Variants in MEGF10 observed in about 807,000 individuals in gnomAD.
MEGF10 encodes multiple EGF like domains 10, also known as multiple epidermal growth factor-like domains protein 10.
MEGF10 carries 86 observed loss-of-function variants against 147.5 expected under a neutral mutation model. The ratio of observed to expected loss-of-function variants is 0.58; its 90% confidence interval spans 0.49 to 0.70. The LOEUF (loss-of-function observed/expected upper bound fraction) is 0.70. Ranked by LOEUF, MEGF10 falls within the 30% of genes least tolerant of loss-of-function variation. The pLI is 0.00. For missense variants in MEGF10, 1,329 were observed against 1,487.3 expected, an observed-to-expected ratio of 0.89 and a Z score of 1.75; for synonymous variants, 478 against 525.5, an observed-to-expected ratio of 0.91 and a Z score of 1.24.
At chr5:127,361,162 A>G (rs1762457658) in intron 4 of MEGF10, among the ~76,000 whole-genome samples, 1 of 152,066 alleles carries the variant, frequency 6.6e-6, no homozygotes, top group African/African-American at 2.4e-5. Context: ...CATCATTGAA[A>G]CCATCTGGAA....
intron 13 of MEGF10, 83 bp downstream of exon 13, chr5:127,422,855 C>T (rs2126980040): frequency 1.0e-6 from 1 of 977,172 alleles, no homozygotes; most frequent in African/African-American, 1.6e-5. Context: ...CACAGAAACA[C>T]ACACCAGTCA....
intron 23 of MEGF10, 90 bp downstream of exon 23, chr5:127,454,700 G>A: frequency 1.7e-6 from 2 of 1,180,386 alleles, no homozygotes; most frequent in Non-Finnish European, 2.4e-6. Flanking sequence ...AAGCTAGAAT[G>A]GCAAGAGAAA....
intron 1 of MEGF10, among the ~76,000 whole-genome samples, chr5:127,317,931 T>A (rs1760631351): frequency 6.6e-6 from 1 of 152,010 alleles, no homozygotes; most frequent in African/African-American, 2.4e-5. Context: ...GAGTGTGATG[T>A]TCTGACTTGT....
intron 1 of MEGF10, 149 bp downstream of exon 1, chr5:127,291,205 A>G (rs1265611661): frequency 6.6e-6 from 1 of 152,244 alleles, no homozygotes; most frequent in African/African-American, 2.4e-5. Context: ...TGCGTTGTTC[A>G]TGCGCTTCTT....
intron 8 of MEGF10, among the ~76,000 whole-genome samples, chr5:127,404,626 G>T (rs1318317769): frequency 6.6e-6 from 1 of 152,122 alleles, no homozygotes; most frequent in Non-Finnish European, 1.5e-5. Context: ...GGATGTGTGT[G>T]TAGGATTTGA....
rs1265542197 is a variant in MEGF10 at position 127,459,062 on chromosome 5, T to A, written c.*1744T>A. 2.0e-5 allele frequency: 3 copies of A among 152,182 alleles called. No homozygotes were observed. Among genetic ancestry groups the A allele is most frequent in the African/African-American group, 7.2e-5 (3 of 41,450 alleles). 9.4% of individuals were successfully genotyped at this position (152,182 alleles called of 1,614,324 possible). On this transcript the variant is annotated 3_prime_UTR_variant, in exon 25 of 25. Transcript: ENST00000503335. ...AACAACTTTATAAGAGAAACAGTGG[T>A]CTTCAATCTTTTAAAGACATGAAAT... is the stretch of plus-strand genomic sequence containing the variant.
chr5:127,347,760 A>T lies in MEGF10; in HGVS notation c.319+7130A>T, dbSNP rs377728721. Among the ~76,000 whole-genome samples, 39 of 152,160 alleles carry T rather than the reference A, an allele frequency of 2.6e-4. 1 individual carries two copies. In the East Asian group the frequency reaches 4.8e-3, roughly 19 times the overall value. On this transcript the variant is annotated intron_variant, in intron 4 of 24. Coordinates refer to ENST00000503335, the MANE Select transcript of MEGF10 (RefSeq NM_001256545.2). Reference sequence around the variant, plus strand: ...AAAAAAAAGTTCAGTTCAGATTGTTAACATAGAATGGAGAAAACACATGAA... The same window carrying T: ...AAAAAAAAGTTCAGTTCAGATTGTTTACATAGAATGGAGAAAACACATGAA...
chr5:127,284,635 A>G, the MEGF10 span, among the ~76,000 whole-genome samples: 1,411 of 152,232 alleles, frequency 9.3e-3, 25 homozygotes, highest in African/African-American at 0.033. Context: ...CTTACCTGTA[A>G]AGCAGGAATA....
At chr5:127,341,627 G>A (rs1368651583) in intron 4 of MEGF10, among the ~76,000 whole-genome samples, 1 of 151,922 alleles carries the variant, frequency 6.6e-6, no homozygotes, top group African/African-American at 2.4e-5. Flanking sequence ...ATGCAGACAG[G>A]GGCAGCTCCT....
the MEGF10 span, among the ~76,000 whole-genome samples, chr5:127,242,544 C>T: frequency 2.0e-5 from 3 of 152,136 alleles, no homozygotes; most frequent in Non-Finnish European, 2.9e-5. Context: ...GCAGAATGCT[C>T]ATTAAAGTGG....
the MEGF10 span, among the ~76,000 whole-genome samples, chr5:127,268,111 T>A: frequency 6.6e-6 from 1 of 152,198 alleles, no homozygotes; most frequent in Non-Finnish European, 1.5e-5. Context: ...GAGATTCTGG[T>A]ATGTTGTGTC....
chr5:127,232,815 A>C, the MEGF10 span, among the ~76,000 whole-genome samples: 3 of 152,084 alleles, frequency 2.0e-5, no homozygotes, highest in Non-Finnish European at 4.4e-5. Flanking sequence ...AAGCAAACAC[A>C]GAGGCAGGAA....
At chr5:127,300,395 G>T (rs1341258640) in intron 1 of MEGF10, among the ~76,000 whole-genome samples, 4 of 152,140 alleles carry the variant, frequency 2.6e-5, no homozygotes, top group Admixed American at 6.5e-5. Context: ...TACTGTTGTT[G>T]TTTGTGTCCC....
chr5:127,381,639 T>C (rs531021554), intron 5 of MEGF10, among the ~76,000 whole-genome samples: 1 of 152,308 alleles, frequency 6.6e-6, no homozygotes, highest in South Asian at 2.1e-4. Flanking sequence ...GTAGTTTATT[T>C]TATTGTGTTT....
At chr5:127,409,977 T>G in intron 8 of MEGF10, 1 of 169,402 alleles carries the variant, frequency 5.9e-6, no homozygotes, top group South Asian at 1.4e-4. Context: ...TGACACAGAG[T>G]TTTCTCTTTG....
chr5:127,360,133 C>G (rs1762419642), intron 4 of MEGF10, among the ~76,000 whole-genome samples: 1 of 152,052 alleles, frequency 6.6e-6, no homozygotes, highest in African/African-American at 2.4e-5. Flanking sequence ...TCAAATAGAT[C>G]AAATTGATTG....
At chr5:127,250,559 T>C in the MEGF10 span, among the ~76,000 whole-genome samples, 2 of 152,060 alleles carry the variant, frequency 1.3e-5, no homozygotes, top group Non-Finnish European at 2.9e-5. Context: ...ACACCATGTG[T>C]GATGTAAATC....
chr5:127,447,491 G>C, intron 20 of MEGF10, 66 bp from the exon 21 acceptor site: 1 of 1,603,720 alleles, frequency 6.2e-7, no homozygotes, highest in Non-Finnish European at 8.5e-7. Flanking sequence ...TTGTTATTTT[G>C]ATTCCCTTTT....
intron 4 of MEGF10, among the ~76,000 whole-genome samples, chr5:127,355,102 GC>G (rs1762234634): frequency 6.6e-6 from 1 of 152,180 alleles, no homozygotes; most frequent in African/African-American, 2.4e-5. Context: ...CAGGGAAGAT[GC>G]CTTGTTTTGG....
Sources: gnomAD v4.1 joint callset for allele counts (sites outside exome capture counted in the v4.1 genomes callset) on GRCh38, gnomAD v4.1.1 for gene constraint, MANE v1.5 for transcripts, NCBI Gene and HGNC (gene_info 2026-07-23, HGNC 2026-07-21) for gene names.